NTRK1: variants seen among roughly 807,000 people sequenced by gnomAD.
NTRK1 encodes high affinity nerve growth factor receptor.
In NTRK1, 62 loss-of-function variants were observed where a neutral mutation model predicts 86.8. The observed-to-expected ratio is 0.71, with a 90% CI of 0.58 to 0.88. NTRK1 has a LOEUF of 0.88. NTRK1 is among the 40% of genes least tolerant of loss of function. The pLI is 0.00. For synonymous variants in NTRK1, 469 were observed against 456.6 expected (o/e 1.03, Z -0.35); for missense variants, 967 against 1,078.4 (o/e 0.90, Z 1.45).
chr1:156,820,126 A>T (rs1654143342), intron 1 of NTRK1, among the ~76,000 whole-genome samples: 1 of 152,176 alleles, frequency 6.6e-6, no homozygotes, highest in Admixed American at 6.5e-5. Flanking sequence ...TTAAGTCTTT[A>T]ATACATCTTG....
intron 3 of NTRK1, 46 bp from the exon 4 acceptor site, chr1:156,866,864 T>G (rs1449352838): frequency 1.3e-6 from 2 of 1,591,978 alleles, no homozygotes; most frequent in Non-Finnish European, 1.7e-6. Context: ...CAGAGTGAGG[T>G]CGGGTCACTC....
At chr1:156,833,517 A>T (rs1571647695) in intron 1 of NTRK1, among the ~76,000 whole-genome samples, 2 of 152,026 alleles carry the variant, frequency 1.3e-5, no homozygotes, top group East Asian at 3.9e-4. Context: ...AAATCGCACC[A>T]CTGCACTCCA....
chr1:156,864,289 G>A, intron 1 of NTRK1, 65 bp from the exon 2 acceptor site: 1 of 1,500,376 alleles, frequency 6.7e-7, no homozygotes, highest in Non-Finnish European at 9.3e-7. Context: ...GAGGGAGTAA[G>A]TGGGTGGGCA....
At chr1:156,851,190 T>C in intron 2 of NTRK1, 2 of 1,362,836 alleles carry the variant, frequency 1.5e-6, no homozygotes, top group Admixed American at 1.7e-5. Flanking sequence ...GCCTAGTGAG[T>C]AGCAAAATTG....
In NTRK1 at chr1:156,842,079, A is replaced by G; in HGVS notation, c.-63-2A>G. The G allele has an allele frequency of 1.2e-6, 2 of 1,612,826 alleles. No homozygotes were observed. The highest frequency in any genetic ancestry group is 1.1e-5 in the South Asian group (1 of 90,640). Reference sequence around the variant, plus strand: ...GCTTAAGGGAGTCTCTCTACTTTTCAGGCCGCCCTCATCTGCCTGGCACCC... The same window carrying G: ...GCTTAAGGGAGTCTCTCTACTTTTCGGGCCGCCCTCATCTGCCTGGCACCC... On this transcript the variant is annotated splice_acceptor_variant, in intron 1 of 16. Transcript: ENST00000392302. LOFTEE classifies it low-confidence loss of function (5UTR_SPLICE).
chr1:156,843,178 T>G lies in NTRK1; in HGVS notation c.50+985T>G. The G allele has an allele frequency of 4.3e-6, 7 of 1,614,032 alleles. No individual in the cohort carries two copies. The African/African-American group carries it at 5.3e-5, about 12-fold the overall frequency. On this transcript the variant is annotated intron_variant, in intron 2 of 16. Coordinates refer to the NTRK1 transcript ENST00000392302. ...CCATCCCAAAAGAGCCCTGGCCCAG[T>G]TCCCGGATTATCGAGATCTGCTCCC...
At chr1:156,853,336 G>T (rs1255124373) in intron 2 of NTRK1, among the ~76,000 whole-genome samples, 4 of 152,188 alleles carry the variant, frequency 2.6e-5, no homozygotes, top group African/African-American at 9.7e-5. Flanking sequence ...GACACCCAAT[G>T]ATCATTTTAC....
chr1:156,842,574 T>C (rs1654840839), intron 2 of NTRK1: 2 of 1,217,748 alleles, frequency 1.6e-6, no homozygotes, highest in Non-Finnish European at 2.4e-6. Flanking sequence ...AAAATTCTGA[T>C]CTGCTATGAC....
At chr1:156,830,690 G>A (rs2102841737) in intron 1 of NTRK1, among the ~76,000 whole-genome samples, 1 of 152,046 alleles carries the variant, frequency 6.6e-6, no homozygotes, top group South Asian at 2.1e-4. Flanking sequence ...GAGTAGCTGG[G>A]ATTACAGGCA....
Position 156,868,239 on chromosome 1 carries a change from T to C in NTRK1, c.564T>C (p.Asn188=), listed in dbSNP as rs1392154172. The change falls in exon 5 of 17, where the codon AAT becomes AAC. Residue 188 remains asparagine (N), a synonymous_variant. Coordinates refer to ENST00000524377, the MANE Select transcript of NTRK1 (RefSeq NM_002529.4). The part of the protein sequence containing the change: ...HGQGPLAHMP[N]ASCGVPTLKV... ...AAGGGCCCCTGGCCCACATGCCCAA[T>C]GCCAGCTGTGGTAGGTGCCGGGTGA... The C allele has an allele frequency of 6.8e-6, 11 of 1,610,364 alleles. No homozygotes were observed. Among genetic ancestry groups the C allele is most frequent in the Non-Finnish European group, 9.3e-6 (11 of 1,180,006 alleles).
intron 4 of NTRK1, among the ~76,000 whole-genome samples, chr1:156,867,286 T>C (rs1261308564): frequency 1.3e-5 from 2 of 152,102 alleles, no homozygotes; most frequent in Non-Finnish European, 2.9e-5. Context: ...TGCACAGGGG[T>C]GAGTGGGGCA....
chr1:156,816,957 TG>T (rs1654005605), intron 1 of NTRK1: 2 of 385,528 alleles, frequency 5.2e-6, no homozygotes, highest in Non-Finnish European at 9.3e-6. Context: ...TGTCACTCTG[TG>T]TTTAGGTGTT....
At chr1:156,842,493 C>A in intron 2 of NTRK1, 5 of 1,614,066 alleles carry the variant, frequency 3.1e-6, no homozygotes, top group Non-Finnish European at 4.2e-6. Flanking sequence ...TGAGATACCA[C>A]ACCCAGGAGA....
At chr1:156,871,506 C>A in intron 6 of NTRK1, 117 bp from the exon 7 acceptor site, 1 of 1,101,392 alleles carries the variant, frequency 9.1e-7, no homozygotes, top group Non-Finnish European at 1.3e-6. Flanking sequence ...CCCTTCTCTT[C>A]CCTCCCAGCC....
chr1:156,857,743 C>T (rs729462), upstream of NTRK1, among the ~76,000 whole-genome samples: 994 of 152,316 alleles, frequency 6.5e-3, 18 homozygotes, highest in African/African-American at 0.023. Context: ...TAGGACCTCT[C>T]GGGCAAGCAC....
intron 1 of NTRK1, among the ~76,000 whole-genome samples, chr1:156,831,593 G>A (rs946253826): frequency 6.6e-6 from 1 of 152,164 alleles, no homozygotes; most frequent in African/African-American, 2.4e-5. Context: ...GGCTACTTGA[G>A]AGCCAAGTTC....
chr1:156,845,655 A>C, intron 2 of NTRK1: 2 of 1,610,954 alleles, frequency 1.2e-6, no homozygotes, highest in Non-Finnish European at 1.7e-6. Flanking sequence ...AAAGTTTTCA[A>C]ACTTCTTCTG....
At chr1:156,832,915 T>C (rs917563959) in intron 1 of NTRK1, among the ~76,000 whole-genome samples, 2 of 152,256 alleles carry the variant, frequency 1.3e-5, no homozygotes, top group African/African-American at 4.8e-5. Context: ...GGGCTTGTTA[T>C]TGCCCATCTT....
intron 1 of NTRK1, among the ~76,000 whole-genome samples, chr1:156,863,646 G>A (rs1655786618): frequency 6.6e-6 from 1 of 151,986 alleles, no homozygotes; most frequent in South Asian, 2.1e-4. Context: ...GAGGCTATGG[G>A]GGTGCAGAGA....
Sources: gnomAD v4.1 joint callset for allele counts (sites outside exome capture counted in the v4.1 genomes callset) on GRCh38, gnomAD v4.1.1 for gene constraint, MANE v1.5 for transcripts, NCBI Gene and HGNC (gene_info 2026-07-23, HGNC 2026-07-21) for gene names.